The following CTNNA2 variants were observed in gnomAD, a reference collection of about 807,000 sequenced individuals.
CTNNA2 encodes catenin alpha-2.
Under a neutral mutation model 101.0 loss-of-function variants are expected in CTNNA2, and 42 were observed. The ratio of observed to expected loss-of-function variants is 0.42; its 90% confidence interval spans 0.32 to 0.54. The LOEUF (loss-of-function observed/expected upper bound fraction) is 0.54. Among genes scored for constraint, CTNNA2 ranks in the 20% least tolerant of loss-of-function variants. The pLI, the probability that CTNNA2 is intolerant of heterozygous loss-of-function variation, is 0.14. For synonymous variants in CTNNA2, 450 were observed against 456.4 expected, an observed-to-expected ratio of 0.99 and a Z score of 0.18; for missense variants, 871 against 1,223.1, an observed-to-expected ratio of 0.71 and a Z score of 4.29.
intron 7 of CTNNA2, among the ~76,000 whole-genome samples, chr2:80,062,610 G>A (rs1353293348): frequency 1.3e-5 from 2 of 151,928 alleles, no homozygotes; most frequent in African/African-American, 4.8e-5. Flanking sequence ...TTGAGGATAT[G>A]GGATCAAATT....
chr2:80,554,409 T>TA (rs1692845462), intron 11 of CTNNA2, among the ~76,000 whole-genome samples: 1 of 152,248 alleles, frequency 6.6e-6, no homozygotes, highest in Non-Finnish European at 1.5e-5. Context: ...CACATATTTT[T>TA]ATGTGTTCAT....
At chr2:80,541,948 C>G (rs1273168045) in intron 9 of CTNNA2, among the ~76,000 whole-genome samples, 5 of 150,142 alleles carry the variant, frequency 3.3e-5, no homozygotes, top group African/African-American at 1.2e-4. Context: ...GTGTAATGAA[C>G]CATCATACAC....
intron 8 of CTNNA2, among the ~76,000 whole-genome samples, chr2:80,395,870 T>A (rs1355654548): frequency 6.6e-6 from 1 of 152,154 alleles, no homozygotes; most frequent in East Asian, 1.9e-4. Flanking sequence ...GGGAAAAAGG[T>A]GAAATCAAAT....
At chr2:80,309,364 C>A (rs1343281486) in intron 7 of CTNNA2, among the ~76,000 whole-genome samples, 1 of 152,284 alleles carries the variant, frequency 6.6e-6, no homozygotes, top group Non-Finnish European at 1.5e-5. Context: ...AAAGCAATCC[C>A]TTTTTCTTCT....
At chr2:80,071,696 G>A (rs1329216874) in intron 7 of CTNNA2, among the ~76,000 whole-genome samples, 1 of 152,172 alleles carries the variant, frequency 6.6e-6, no homozygotes, top group Non-Finnish European at 1.5e-5. Context: ...AGGGGAGAGA[G>A]GACTGAGGGA....
At chr2:79,970,441 G>C (rs559153889) in intron 7 of CTNNA2, among the ~76,000 whole-genome samples, 1 of 152,054 alleles carries the variant, frequency 6.6e-6, no homozygotes, top group Admixed American at 6.6e-5. Flanking sequence ...CTAGAATACT[G>C]TACCTATTCT....
At chr2:80,298,000 TG>T (rs1316185524) in intron 7 of CTNNA2, among the ~76,000 whole-genome samples, 1 of 151,710 alleles carries the variant, frequency 6.6e-6, no homozygotes, top group African/African-American at 2.4e-5. Context: ...TATATATGTG[TG>T]TGTGTGTGGT....
At chr2:80,545,646 T>C (rs1423514482) in intron 10 of CTNNA2, among the ~76,000 whole-genome samples, 3 of 152,234 alleles carry the variant, frequency 2.0e-5, no homozygotes, top group Admixed American at 1.3e-4. Flanking sequence ...CTGCTGTATC[T>C]GTGCTAAGTC....
chr2:79,735,234 T>C (rs1476550924), intron 2 of CTNNA2, among the ~76,000 whole-genome samples: 6 of 152,122 alleles, frequency 3.9e-5, no homozygotes, highest in Non-Finnish European at 7.4e-5. Flanking sequence ...CGTGCCCTAA[T>C]AGAGACTGGA....
intron 7 of CTNNA2, among the ~76,000 whole-genome samples, chr2:80,095,056 G>C (rs1435615543): frequency 4.5e-5 from 6 of 134,706 alleles, no homozygotes; most frequent in African/African-American, 1.8e-4. Flanking sequence ...TAGGAGTGGT[G>C]AGAGAGGGCT....
intron 2 of CTNNA2, among the ~76,000 whole-genome samples, chr2:79,654,853 C>A (rs1329627548): frequency 6.6e-6 from 1 of 151,698 alleles, no homozygotes; most frequent in Non-Finnish European, 1.5e-5. Flanking sequence ...TGGCCACCTA[C>A]TCAGATTGTA....
At chr2:80,521,199 G>A (rs2149573723) in intron 9 of CTNNA2, among the ~76,000 whole-genome samples, 1 of 152,274 alleles carries the variant, frequency 6.6e-6, no homozygotes, top group Admixed American at 6.5e-5. Context: ...CTGGAGACCA[G>A]TTAGTAAGTT....
intron 7 of CTNNA2, among the ~76,000 whole-genome samples, chr2:80,062,228 A>G (rs184941080): frequency 3.1e-4 from 47 of 152,318 alleles, no homozygotes; most frequent in African/African-American, 1.1e-3. Context: ...CTTCTGGAAT[A>G]TTTTCAAATT....
intron 7 of CTNNA2, among the ~76,000 whole-genome samples, chr2:80,059,689 A>G (rs1572966844): frequency 6.6e-6 from 1 of 152,158 alleles, no homozygotes; most frequent in Non-Finnish European, 1.5e-5. Context: ...GGCGGCACCC[A>G]CACACCTTGC....
intron 9 of CTNNA2, among the ~76,000 whole-genome samples, chr2:80,429,920 A>G (rs1681338490): frequency 6.6e-6 from 1 of 152,220 alleles, no homozygotes; most frequent in African/African-American, 2.4e-5. Context: ...TGCTTGAATT[A>G]ACTATGCACA....
At chr2:80,545,830 TA>T in intron 10 of CTNNA2, 76 bp from the exon 11 acceptor site, 1 of 1,503,760 alleles carries the variant, frequency 6.6e-7, no homozygotes, top group South Asian at 1.3e-5. Context: ...TGCATGGTTT[TA>T]ACATGGTCTT....
At chr2:80,573,004 G>C (rs1481741608) in intron 12 of CTNNA2, 1 of 152,114 alleles carries the variant, frequency 6.6e-6, no homozygotes, top group Non-Finnish European at 1.5e-5. Flanking sequence ...ACAGAGTAAA[G>C]TAATTTAGCA....
At chr2:79,279,877 C>T (rs1020515011) in intron 2 of CTNNA2, among the ~76,000 whole-genome samples, 11 of 152,036 alleles carry the variant, frequency 7.2e-5, no homozygotes, top group Non-Finnish European at 1.6e-4. Flanking sequence ...CCCATCTCCC[C>T]AGAACATTCT....
At chr2:79,598,754 A>G (rs939590505) in intron 1 of CTNNA2, among the ~76,000 whole-genome samples, 2 of 152,130 alleles carry the variant, frequency 1.3e-5, no homozygotes, top group Non-Finnish European at 2.9e-5. Context: ...CAGTGTGTGT[A>G]TTGTCTTCTC....
Sources: gnomAD v4.1 joint callset for allele counts (sites outside exome capture counted in the v4.1 genomes callset) on GRCh38, gnomAD v4.1.1 for gene constraint, MANE v1.5 for transcripts, NCBI Gene and HGNC (gene_info 2026-07-23, HGNC 2026-07-21) for gene names.